Variants in RNF215 observed in about 807,000 individuals in gnomAD.
RNF215 encodes ring finger protein 215.
RNF215 carries 41 observed loss-of-function variants against 44.8 expected under a neutral mutation model. That is an observed-to-expected ratio of 0.92 (90% CI 0.71 to 1.19). RNF215 has a LOEUF of 1.19. Among genes scored for constraint, RNF215 ranks in the 50% most tolerant of loss-of-function variants. RNF215 has a pLI of 0.00. For missense variants in RNF215, 452 were observed against 496.2 expected, an observed-to-expected ratio of 0.91 and a Z score of 0.85; for synonymous variants, 218 against 230.1, an observed-to-expected ratio of 0.95 and a Z score of 0.48.
Position 30,379,428 on chromosome 22 carries a change from G to T in RNF215, c.*172C>A. 1 of 742,116 alleles carries T rather than the reference G, an allele frequency of 1.3e-6. No individual in the cohort carries two copies. The highest frequency in any genetic ancestry group is 2.2e-6 in the Non-Finnish European group (1 of 459,772). 46.0% of individuals were successfully genotyped at this position (742,116 alleles called of 1,614,324 possible). ...CTAGATCCTCAGTCTGAAGCTGTGG[G>T]GCCCTCCTTCCCAGTGTGGACATGG... On this transcript the variant is annotated 3_prime_UTR_variant, in exon 9 of 9. Transcript: ENST00000382363.
chr22:30,387,383 G>T lies in RNF215; in HGVS notation c.-70C>A. The T allele has an allele frequency of 1.0e-6, 1 of 998,574 alleles. No individual in the cohort carries two copies. The highest frequency in any genetic ancestry group is 1.2e-6 in the Non-Finnish European group (1 of 831,270). 61.9% of individuals were successfully genotyped at this position (998,574 alleles called of 1,614,324 possible). A position where few individuals can be genotyped will look rare whatever the true frequency, so the allele number is the denominator to read the frequency against. ...GGGCGCGGGGGGGATCGGAGGGAGC[G>T]AGGCCGCTGCCGGACGGGGCGGGGC... On this transcript the variant is annotated 5_prime_UTR_variant, in exon 1 of 9. Transcript: ENST00000382363.
chr22:30,386,024 C>A (rs762299885), intron 3 of RNF215, 35 bp from the exon 4 acceptor site: 2 of 1,613,698 alleles, frequency 1.2e-6, no homozygotes, highest in Non-Finnish European at 8.5e-7. Flanking sequence ...AGGCCTGGGT[C>A]CCCCTTTCCC....
In RNF215 at chr22:30,380,307, T is replaced by G. The variant is rs762101592; in HGVS notation, c.839A>C (p.Gln280Pro). Residue 280 changes from glutamine to proline, a missense_variant, in exon 6 of 9, where the codon CAG (glutamine) becomes CCG (proline). Coordinates refer to ENST00000382363, the MANE Select transcript of RNF215 (RefSeq NM_001017981.2). The surrounding 1 kb of genome is among the most constrained non-coding windows in gnomAD (Gnocchi z 5.3). ...CTGGCCTCCGAGCTCCCGCTGGCTCTGCCGCGACGCCTGCCGCTGGGCCTG... is the reference window on the plus strand; with the variant it reads ...CTGGCCTCCGAGCTCCCGCTGGCTCGGCCGCGACGCCTGCCGCTGGGCCTG... ...VVQAQRQASR[Q>P]SQRELGGQVD... 1.2e-6 allele frequency: 2 copies of G among 1,611,024 alleles called. No individual in the cohort carries two copies. The highest frequency in any genetic ancestry group is 2.2e-5 in the East Asian group (1 of 44,822).
intron 2 of RNF215, 143 bp from the exon 3 acceptor site, chr22:30,386,284 A>G: frequency 1.3e-6 from 1 of 795,638 alleles, no homozygotes; most frequent in Non-Finnish European, 2.0e-6. Flanking sequence ...TTGAGGTCAA[A>G]GGTGGAAACT....
chr22:30,387,273 G>T lies in RNF215; in HGVS notation c.41C>A (p.Pro14Gln). The change falls in exon 1 of 9, where the codon CCG becomes CAG. Residue 14 changes from proline (P) to glutamine (Q), a missense_variant. Physicochemically the swap from Pro to Gln is moderately conservative, Grantham distance 76. Coordinates refer to ENST00000382363, the MANE Select transcript of RNF215 (RefSeq NM_001017981.2). ...AARPALRSPP[P>Q]PPPPPPSPLL... ...CGGAGACGGAGGCGGCGGCGGAGGC[G>T]GCGGCGGCGATCTCAGCGCGGGGCG... 9.4e-7 allele frequency: 1 copy of T among 1,060,856 alleles called. No homozygotes were observed. Among genetic ancestry groups the T allele is most frequent in the Non-Finnish European group, 1.1e-6 (1 of 879,616 alleles). The allele number at this position is 1,060,856 out of a possible 1,614,324, so 65.7% of individuals were successfully genotyped here. A position where few individuals can be genotyped will look rare whatever the true frequency, so the allele number is the denominator to read the frequency against.
Position 30,380,157 on chromosome 22 carries a change from T to C in RNF215, c.913A>G (p.Thr305Ala). ...GCCCTGCTCAGCCGGCAGCGCCGTG[T>C]CTTGAGGGATGCCAGTCTCCGCACC... ...RVVRRLASLK[T>A]RRCRLSRAAQ... The change falls in exon 7 of 9, where the codon ACA becomes GCA. Residue 305 changes from threonine to alanine, a missense_variant. Coordinates refer to ENST00000382363, the MANE Select transcript of RNF215 (RefSeq NM_001017981.2). The surrounding 1 kb of genome is among the most constrained non-coding windows in gnomAD (Gnocchi z 5.3). The C allele has an allele frequency of 6.2e-7, 1 of 1,613,802 alleles. No homozygotes were observed. The highest frequency in any genetic ancestry group is 2.2e-5 in the East Asian group (1 of 44,854).
chr22:30,379,931 C>G, intron 7 of RNF215, 118 bp from the exon 8 acceptor site: 2 of 1,530,196 alleles, frequency 1.3e-6, no homozygotes, highest in Non-Finnish European at 1.8e-6. Flanking sequence ...TCCCCCACCC[C>G]CCTGAAATTC....
chr22:30,382,248 A>AAAAATAC (rs1569198870), intron 5 of RNF215, among the ~76,000 whole-genome samples: 4 of 152,036 alleles, frequency 2.6e-5, no homozygotes, highest in African/African-American at 9.7e-5. Flanking sequence ...CTAAAAATAC[A>AAAAATAC]AAAAATTAGC....
At position 30,386,687 on chromosome 22, in the gene RNF215, G is replaced by A. The variant is rs144607117; in HGVS notation, c.358C>T (p.Gln120Ter). Residue 120 changes from glutamine (Q) to a stop codon, truncating the protein, a stop_gained, in exon 2 of 9, where the codon CAG becomes TAG. Transcript: ENST00000382363. LOFTEE classifies it high-confidence loss of function. ...WIAVAYVGKE[Q>*]AAQFHQENKG... ...TTCTCCTGGTGGAACTGGGCCGCCT[G>A]CTCCTTGCCCACGTATGCCACTGCA... 7.4e-6 allele frequency: 12 copies of A among 1,612,518 alleles called. No homozygotes were observed. Among genetic ancestry groups the A allele is most frequent in the African/African-American group, 1.3e-5 (1 of 74,948 alleles).
intron 7 of RNF215, 120 bp from the exon 8 acceptor site, chr22:30,379,933 C>G (rs1933500743): frequency 2.0e-6 from 3 of 1,538,158 alleles, no homozygotes; most frequent in African/African-American, 1.4e-5. Context: ...CCCCACCCCC[C>G]TGAAATTCTG....
At position 30,385,911 on chromosome 22, in the gene RNF215, A is replaced by G. The variant is rs752207614; in HGVS notation, c.580T>C (p.Leu194=). The part of the protein sequence containing the change: ...SSNVTKLLDA[L]LQRTQATAEI... Reference sequence around the variant, plus strand: ...GTCTAAATACCAACTCACTGCAGCAATGCATCCAACAGCTTGGTGACATTG... The same window carrying G: ...GTCTAAATACCAACTCACTGCAGCAGTGCATCCAACAGCTTGGTGACATTG... The change falls in exon 4 of 9, where the codon TTG becomes CTG. Residue 194 remains leucine (L), a synonymous_variant. Coordinates refer to ENST00000382363, the MANE Select transcript of RNF215 (RefSeq NM_001017981.2). 1.7e-5 allele frequency: 27 copies of G among 1,613,938 alleles called. No homozygotes were observed. Among genetic ancestry groups the G allele is most frequent in the Non-Finnish European group, 2.2e-5 (26 of 1,179,948 alleles).
chr22:30,379,334 G>A lies in RNF215; in HGVS notation c.*266C>T. 1.8e-6 allele frequency: 1 copy of A among 545,800 alleles called. No individual in the cohort carries two copies. Among genetic ancestry groups the A allele is most frequent in the East Asian group, 3.1e-5 (1 of 32,284 alleles). The allele number at this position is 545,800 out of a possible 1,614,324, so 33.8% of individuals were successfully genotyped here. Reference sequence around the variant, plus strand: ...CTGGGAGCTGCCTGTAAGGAGGGCAGACTCACGTCACAGGATTGCAGAGAA... The same window carrying A: ...CTGGGAGCTGCCTGTAAGGAGGGCAAACTCACGTCACAGGATTGCAGAGAA... On this transcript the variant is annotated 3_prime_UTR_variant, in exon 9 of 9. Coordinates refer to ENST00000382363, the MANE Select transcript of RNF215 (RefSeq NM_001017981.2).
In RNF215 at chr22:30,385,912, T is replaced by C; in HGVS notation, c.579A>G (p.Ala193=). The part of the protein sequence containing the change: ...YSSNVTKLLD[A]LLQRTQATAE... ...TCTAAATACCAACTCACTGCAGCAA[T>C]GCATCCAACAGCTTGGTGACATTGG... is the stretch of plus-strand genomic sequence containing the variant. The change falls in exon 4 of 9, where the codon GCA becomes GCG. Residue 193 remains alanine, a synonymous_variant. Coordinates refer to ENST00000382363, the MANE Select transcript of RNF215 (RefSeq NM_001017981.2). The C allele has an allele frequency of 6.2e-7, 1 of 1,613,862 alleles. No homozygotes were observed. The highest frequency in any genetic ancestry group is 1.1e-5 in the South Asian group (1 of 91,084).
intron 5 of RNF215, among the ~76,000 whole-genome samples, chr22:30,382,196 G>A (rs1410036444): frequency 6.6e-6 from 1 of 152,164 alleles, no homozygotes; most frequent in African/African-American, 2.4e-5. Flanking sequence ...GAGGTTGGGA[G>A]TTCGAGACTA....
In RNF215 at chr22:30,384,447, G is replaced by A. The variant is rs1933568206; in HGVS notation, c.636C>T (p.Ala212=). The A allele has an allele frequency of 6.2e-7, 1 of 1,614,000 alleles. No homozygotes were observed. The highest frequency in any genetic ancestry group is 1.1e-5 in the South Asian group (1 of 91,062). The change falls in exon 5 of 9, where the codon GCC becomes GCT. Residue 212 remains alanine (A), a synonymous_variant. Transcript: ENST00000382363. ...AEITSGESLS[A]NIEWKLTLWT... is the part of the protein sequence containing the mutation. ...ACAAGGTCAACTTCCACTCGATATTGGCAGACAGGGACTCTCCGCTGGTGA... is the reference window on the plus strand; with the variant it reads ...ACAAGGTCAACTTCCACTCGATATTAGCAGACAGGGACTCTCCGCTGGTGA...
chr22:30,386,831 G>T, intron 1 of RNF215, 72 bp from the exon 2 acceptor site: 1 of 1,541,606 alleles, frequency 6.5e-7, no homozygotes, highest in Non-Finnish European at 8.7e-7. Flanking sequence ...CATCACAGTG[G>T]ATGCCAAGGC....
In RNF215 at chr22:30,387,225, A is replaced by G; in HGVS notation, c.89T>C (p.Leu30Pro). ...CCCCGCCAGGCCCAGCCACAGCGGC[A>G]GCAGGGGCAGCAGCAGCAGCAGCGG... Reference protein sequence around the residue: ...PSPLLLLLPLLPLWLGLAGPG... With the variant: ...PSPLLLLLPLPPLWLGLAGPG... The change falls in exon 1 of 9, where the codon CTG (leucine) becomes CCG (proline). Residue 30 changes from leucine (L) to proline (P), a missense_variant. Coordinates refer to ENST00000382363, the MANE Select transcript of RNF215 (RefSeq NM_001017981.2). 2 of 1,000,324 alleles carry G rather than the reference A, an allele frequency of 2.0e-6. No homozygotes were observed. The highest frequency in any genetic ancestry group is 2.4e-6 in the Non-Finnish European group (2 of 830,894). The allele number at this position is 1,000,324 out of a possible 1,614,324, so 62.0% of individuals were successfully genotyped here.
chr22:30,382,963 A>G (rs111951673), intron 5 of RNF215, among the ~76,000 whole-genome samples: 1 of 152,192 alleles, frequency 6.6e-6, no homozygotes, highest in East Asian at 1.9e-4. Flanking sequence ...TTAGCTAGAC[A>G]TGGTGGCACG....
intron 5 of RNF215, among the ~76,000 whole-genome samples, chr22:30,382,680 C>T (rs1940235739): frequency 6.6e-6 from 1 of 152,144 alleles, no homozygotes; most frequent in Admixed American, 6.5e-5. Flanking sequence ...GACCCAGCCT[C>T]CCCAGGCTCA....
Sources: gnomAD v4.1 joint callset for allele counts (sites outside exome capture counted in the v4.1 genomes callset) on GRCh38, gnomAD v4.1.1 for gene constraint, Gnocchi (gnomAD v3.1) non-coding constraint, MANE v1.5 for transcripts, NCBI Gene and HGNC (gene_info 2026-07-23, HGNC 2026-07-21) for gene names.